Variants in AP4S1 observed in about 807,000 individuals in gnomAD.
The protein encoded by AP4S1 is adaptor related protein complex 4 subunit sigma 1, also known as AP-4 complex subunit sigma-1.
AP4S1 carries 23 observed loss-of-function variants against 19.8 expected under a neutral mutation model. The observed-to-expected ratio is 1.16, with a 90% CI of 0.84 to 1.65. The LOEUF (loss-of-function observed/expected upper bound fraction) is 1.65, where lower values mean the gene tolerates loss of function less well. AP4S1 is among the 40% of genes most tolerant of loss of function. The pLI, the probability that AP4S1 is intolerant of heterozygous loss-of-function variation, is 0.00. For synonymous variants in AP4S1, 46 were observed against 54.1 expected (o/e 0.85, Z 0.66); for missense variants, 166 against 172.8 (o/e 0.96, Z 0.22).
chr14:31,085,437 C>G, intron 5 of AP4S1: 1 of 986,360 alleles, frequency 1.0e-6, no homozygotes, highest in Non-Finnish European at 1.2e-6. Flanking sequence ...AGAATCCAGG[C>G]CCCACAAATA....
intron 2 of AP4S1, among the ~76,000 whole-genome samples, chr14:31,067,089 T>C (rs1184416716): frequency 6.6e-6 from 1 of 151,946 alleles, no homozygotes; most frequent in Admixed American, 6.6e-5. Flanking sequence ...TGCACAACTG[T>C]AGTCCCAGCT....
chr14:31,084,074 C>A (rs1219495037), intron 5 of AP4S1, among the ~76,000 whole-genome samples: 1 of 152,162 alleles, frequency 6.6e-6, no homozygotes, highest in African/African-American at 2.4e-5. Context: ...CTCCCTTAGG[C>A]CTTAAAAGGT....
At chr14:31,046,529 A>T (rs1885413705) in intron 1 of AP4S1, among the ~76,000 whole-genome samples, 1 of 152,002 alleles carries the variant, frequency 6.6e-6, no homozygotes, top group Non-Finnish European at 1.5e-5. Context: ...AAATGTTTTC[A>T]TTTCTCTTGG....
At chr14:31,039,465 G>C (rs562658746) in intron 1 of AP4S1, among the ~76,000 whole-genome samples, 13 of 152,172 alleles carry the variant, frequency 8.5e-5, no homozygotes, top group Admixed American at 3.9e-4. Context: ...GATCACAGGC[G>C]TGAGCCACTG....
chr14:31,073,153 C>CTATA (rs1594692090), intron 4 of AP4S1, 180 bp downstream of exon 4: 1 of 623,588 alleles, frequency 1.6e-6, no homozygotes, highest in East Asian at 2.9e-5. Context: ...TGTTACAAGC[C>CTATA]TATACATGCC....
intron 1 of AP4S1, among the ~76,000 whole-genome samples, chr14:31,044,895 C>G (rs1008093992): frequency 6.6e-6 from 1 of 151,336 alleles, no homozygotes; most frequent in Non-Finnish European, 1.5e-5. Flanking sequence ...TTAAAAGATA[C>G]GTTTTCTATA....
At chr14:31,034,475 G>A (rs929994355) in intron 1 of AP4S1, among the ~76,000 whole-genome samples, 1 of 151,972 alleles carries the variant, frequency 6.6e-6, no homozygotes, top group African/African-American at 2.4e-5. Flanking sequence ...TTTTGGGGGG[G>A]AAACAAACTC....
rs143962870 is a variant in AP4S1, at chr14:31,080,237, G to A, written c.295-336G>A. On this transcript the variant is annotated intron_variant, in intron 4 of 5. Transcript: ENST00000542754. ...GGATAAACTACTAGAAGTAACGTCA[G>A]TGGATTCAAAGGGTGTGGCACATTG... Among the ~76,000 whole-genome samples the A allele has an allele frequency of 2.0e-4, 30 of 152,340 alleles. No homozygotes were observed. The East Asian group carries it at 5.6e-3, about 28-fold the overall frequency.
chr14:31,074,322 C>T (rs1312137675), intron 4 of AP4S1, among the ~76,000 whole-genome samples: 1 of 136,428 alleles, frequency 7.3e-6, no homozygotes, highest in Non-Finnish European at 1.5e-5. Context: ...GAGACTCCGT[C>T]TCAAATAAAT....
intron 1 of AP4S1, among the ~76,000 whole-genome samples, chr14:31,055,349 G>T (rs1289221201): frequency 3.9e-5 from 6 of 152,124 alleles, no homozygotes; most frequent in Non-Finnish European, 7.4e-5. Flanking sequence ...CCAGGGAAAA[G>T]ACAACATGTT....
At chr14:31,026,115 G>A (rs940688896) in intron 1 of AP4S1, 34 of 1,510,450 alleles carry the variant, frequency 2.3e-5, no homozygotes, top group Non-Finnish European at 3.0e-5. Context: ...GTTCCCCCCA[G>A]GTCCCTGCTG....
At chr14:31,037,129 C>T (rs1884825516) in intron 1 of AP4S1, among the ~76,000 whole-genome samples, 1 of 151,828 alleles carries the variant, frequency 6.6e-6, no homozygotes, top group African/African-American at 2.4e-5. Context: ...CTTTTTCTAA[C>T]CTCCACTTCT....
chr14:31,081,318 T>C (rs530198047), intron 5 of AP4S1, among the ~76,000 whole-genome samples: 16 of 152,330 alleles, frequency 1.1e-4, no homozygotes, highest in Non-Finnish European at 1.8e-4. Context: ...GCCTTCAGTG[T>C]TGATAAACTG....
chr14:31,036,476 G>C (rs568228218), intron 1 of AP4S1, among the ~76,000 whole-genome samples: 2 of 152,280 alleles, frequency 1.3e-5, no homozygotes, highest in African/African-American at 4.8e-5. Flanking sequence ...ACACCAGCTG[G>C]CACATAATGT....
rs36025583 is a variant in AP4S1 at position 31,065,851 on chromosome 14, A to G, written c.-71-275A>G. 0.77 allele frequency among the ~76,000 whole-genome samples: 117,136 copies of G among 151,762 alleles called. 45,440 individuals are homozygous for G. The highest frequency in any genetic ancestry group is 0.81 in the Admixed American group (12,379 of 15,234). On this transcript the variant is annotated intron_variant, in intron 1 of 5. Transcript: ENST00000542754. ...AATTTTTTGTATTTTTAGTAGAGACAGGGTTTCACCATGTTATCCAGGATG... is the reference window on the plus strand; with the variant it reads ...AATTTTTTGTATTTTTAGTAGAGACGGGGTTTCACCATGTTATCCAGGATG...
chr14:31,084,736 T>C (rs1887837483), intron 5 of AP4S1: 1 of 1,613,726 alleles, frequency 6.2e-7, no homozygotes, highest in Non-Finnish European at 8.5e-7. Context: ...TATTTAAGAC[T>C]TCAAATTTTA....
intron 4 of AP4S1, chr14:31,073,205 T>A (rs1037925620): frequency 5.1e-5 from 24 of 474,848 alleles, no homozygotes; most frequent in Non-Finnish European, 8.0e-5. Flanking sequence ...AAAAAACCTC[T>A]TATAGCAGGG....
Position 31,074,367 on chromosome 14 carries a change from A to G in AP4S1, c.294+1394A>G, listed in dbSNP as rs149396349. On this transcript the variant is annotated intron_variant, in intron 4 of 5. Transcript: ENST00000542754. ...AATAAATAAATAAATAAATAAATAA[A>G]GTAAGCTGGGCGCGGTGGCTGACGC... 1.7e-3 allele frequency among the ~76,000 whole-genome samples: 226 copies of G among 129,222 alleles called. 1 individual carries two copies. Among genetic ancestry groups the G allele is most frequent in the Middle Eastern group, 7.6e-3 (1 of 132 alleles). The allele number at this position is 129,222 out of a possible 152,430, so 84.8% of individuals were successfully genotyped here.
chr14:31,042,365 AGCACACACAAACAT>A (rs1885158447), intron 1 of AP4S1, among the ~76,000 whole-genome samples: 1 of 152,180 alleles, frequency 6.6e-6, no homozygotes, highest in Non-Finnish European at 1.5e-5. Context: ...TAGCAACAAC[AGCACACACAAACAT>A]GCACACATGG....
Sources: gnomAD v4.1 joint callset for allele counts (sites outside exome capture counted in the v4.1 genomes callset) on GRCh38, gnomAD v4.1.1 for gene constraint, MANE v1.5 for transcripts, NCBI Gene and HGNC (gene_info 2026-07-23, HGNC 2026-07-21) for gene names.